GABRG3: variants seen among roughly 807,000 people sequenced by gnomAD.
GABRG3 encodes the protein gamma-aminobutyric acid type A receptor subunit gamma3.
GABRG3 carries 25 observed loss-of-function variants against 48.8 expected under a neutral mutation model. That is an observed-to-expected ratio of 0.51 (90% confidence interval 0.37 to 0.72). The LOEUF is 0.72. Ranked by LOEUF, GABRG3 falls within the 30% of genes least tolerant of loss-of-function variation. GABRG3 has a pLI of 0.00. For synonymous variants in GABRG3, 227 were observed against 217.6 expected (o/e 1.04, Z -0.38); for missense variants, 394 against 577.9 (o/e 0.68, Z 3.26).
At chr15:27,504,121 T>C (rs2150855591) in intron 6 of GABRG3, among the ~76,000 whole-genome samples, 1 of 152,270 alleles carries the variant, frequency 6.6e-6, no homozygotes, top group Non-Finnish European at 1.5e-5. Context: ...TATATCCAAA[T>C]TGAAAAACTA....
intron 5 of GABRG3, among the ~76,000 whole-genome samples, chr15:27,385,913 T>C (rs1045493298): frequency 2.6e-5 from 4 of 152,194 alleles, no homozygotes; most frequent in South Asian, 2.1e-4. Flanking sequence ...TTTCCCCCTA[T>C]GCATGGGTTA....
chr15:27,194,457 A>G (rs1352043923), intron 3 of GABRG3, among the ~76,000 whole-genome samples: 1 of 152,172 alleles, frequency 6.6e-6, no homozygotes, highest in Non-Finnish European at 1.5e-5. Flanking sequence ...TTTCCTAGGC[A>G]CAAATTTGCT....
intron 5 of GABRG3, among the ~76,000 whole-genome samples, chr15:27,473,661 C>T (rs1429543650): frequency 6.6e-6 from 1 of 151,942 alleles, no homozygotes; most frequent in Non-Finnish European, 1.5e-5. Context: ...ATATTTTTAT[C>T]ATAGGTTGAT....
intron 3 of GABRG3, among the ~76,000 whole-genome samples, chr15:27,257,308 C>T (rs369865932): frequency 2.6e-4 from 39 of 152,062 alleles, no homozygotes; most frequent in East Asian, 2.5e-3. Flanking sequence ...AATCCCTTAT[C>T]GAATGTACAA....
At chr15:27,341,414 A>T (rs1894173496) in intron 5 of GABRG3, among the ~76,000 whole-genome samples, 1 of 152,148 alleles carries the variant, frequency 6.6e-6, no homozygotes, top group Non-Finnish European at 1.5e-5. Flanking sequence ...ATCAAACTTG[A>T]ACCAAGCTGA....
chr15:27,316,841 CCAGTTTCATTT>C (rs1235056744), intron 3 of GABRG3, among the ~76,000 whole-genome samples: 1 of 151,386 alleles, frequency 6.6e-6, no homozygotes, highest in Non-Finnish European at 1.5e-5. Flanking sequence ...TTTTTTCATT[CCAGTTTCATTT>C]CAGTTTCCAA....
At chr15:27,283,989 G>C (rs1257752439) in intron 3 of GABRG3, among the ~76,000 whole-genome samples, 1 of 152,156 alleles carries the variant, frequency 6.6e-6, no homozygotes, top group Non-Finnish European at 1.5e-5. Context: ...TAGATGTAGA[G>C]ACTTAGACTT....
rs560807935 is a variant in GABRG3, at chr15:27,332,256, C to T, written c.574+3368C>T. Among the ~76,000 whole-genome samples the T allele has an allele frequency of 5.5e-4, 84 of 152,316 alleles. 1 individual carries two copies. The highest frequency in any genetic ancestry group is 2.0e-3 in the African/African-American group (82 of 41,574). ...GTGGGCTGGGCACAGTGGCTCATGC[C>T]TGCAATCCCAGAACTTTGGGAGGCC... On this transcript the variant is annotated intron_variant, in intron 5 of 9. Coordinates refer to ENST00000615808, the MANE Select transcript of GABRG3 (RefSeq NM_033223.5).
intron 5 of GABRG3, among the ~76,000 whole-genome samples, chr15:27,462,952 C>G (rs1231165301): frequency 6.6e-6 from 1 of 152,002 alleles, no homozygotes; most frequent in African/African-American, 2.4e-5. Context: ...TGGCAGGTAT[C>G]AGGAACGTTG....
In GABRG3 at chr15:27,216,741, T is replaced by TA. The variant is rs1889260967; in HGVS notation, c.271-110068_271-110067insA. Among the ~76,000 whole-genome samples the TA allele has an allele frequency of 5.4e-5, 4 of 73,982 alleles. No individual in the cohort carries two copies. In the South Asian group the frequency reaches 2.1e-3, roughly 39 times the overall value. The allele number at this position is 73,982 out of a possible 152,430, so 48.5% of individuals were successfully genotyped here. A position where few individuals can be genotyped will look rare whatever the true frequency, so the allele number is the denominator to read the frequency against. ...TTCTGACCAATTCATTTCTTTTTTTTTTTTTATTTTTTATTTATTTATTTA... is the reference window on the plus strand; with the variant it reads ...TTCTGACCAATTCATTTCTTTTTTTTATTTTTATTTTTTATTTATTTATTTA... On this transcript the variant is annotated intron_variant, in intron 3 of 9. Transcript: ENST00000615808.
intron 3 of GABRG3, among the ~76,000 whole-genome samples, chr15:27,168,576 C>T (rs1018440387): frequency 6.6e-6 from 1 of 152,196 alleles, no homozygotes; most frequent in Non-Finnish European, 1.5e-5. Flanking sequence ...AACACAGTAT[C>T]GCCTAAGGTG....
At chr15:27,032,251 G>T (rs768747591) in intron 3 of GABRG3, among the ~76,000 whole-genome samples, 1 of 152,040 alleles carries the variant, frequency 6.6e-6, no homozygotes. Context: ...TAGTTCTCTG[G>T]TGCGATTCTC....
chr15:27,379,655 C>T (rs1363360091), intron 5 of GABRG3, among the ~76,000 whole-genome samples: 1 of 152,108 alleles, frequency 6.6e-6, no homozygotes, highest in East Asian at 1.9e-4. Context: ...CTTTATTTCT[C>T]CTTCATTTTT....
chr15:27,316,429 CT>C (rs2140511340), intron 3 of GABRG3, among the ~76,000 whole-genome samples: 1 of 148,884 alleles, frequency 6.7e-6, no homozygotes, highest in South Asian at 2.2e-4. Flanking sequence ...GTTAAACTGT[CT>C]TCAAGTTGAA....
chr15:27,308,834 T>C (rs915874384), intron 3 of GABRG3, among the ~76,000 whole-genome samples: 1 of 150,190 alleles, frequency 6.7e-6, no homozygotes, highest in African/African-American at 2.4e-5. Flanking sequence ...AACATACGTT[T>C]ATATAAAAAC....
At chr15:27,202,733 C>T (rs963159409) in intron 3 of GABRG3, among the ~76,000 whole-genome samples, 3 of 152,134 alleles carry the variant, frequency 2.0e-5, no homozygotes, top group African/African-American at 7.2e-5. Flanking sequence ...TATTCTTACC[C>T]ATATACCTCT....
intron 3 of GABRG3, among the ~76,000 whole-genome samples, chr15:27,165,908 G>A (rs1311944559): frequency 6.6e-6 from 1 of 152,106 alleles, no homozygotes. Context: ...TTTCTAGGTA[G>A]GGGTGGGCAT....
chr15:27,264,543 T>A (rs1240507427), intron 3 of GABRG3, among the ~76,000 whole-genome samples: 1 of 149,594 alleles, frequency 6.7e-6, no homozygotes, highest in Non-Finnish European at 1.5e-5. Context: ...CCCCTAAAGC[T>A]CCCAGCACAT....
chr15:27,489,815 A>G (rs1403354494), intron 6 of GABRG3, among the ~76,000 whole-genome samples: 1 of 152,148 alleles, frequency 6.6e-6, no homozygotes, highest in Non-Finnish European at 1.5e-5. Context: ...CTCCCATTCT[A>G]TAGGTCGCCT....
Sources: gnomAD v4.1 joint callset for allele counts (sites outside exome capture counted in the v4.1 genomes callset) on GRCh38, gnomAD v4.1.1 for gene constraint, MANE v1.5 for transcripts, NCBI Gene and HGNC (gene_info 2026-07-23, HGNC 2026-07-21) for gene names.